Variants in GALNT17 observed in about 807,000 individuals in gnomAD.
The protein encoded by GALNT17 is polypeptide N-acetylgalactosaminyltransferase 17.
Under a neutral mutation model 63.7 loss-of-function variants are expected in GALNT17, and 29 were observed. The observed-to-expected ratio is 0.46, with a 90% confidence interval of 0.34 to 0.62. The LOEUF (loss-of-function observed/expected upper bound fraction) is 0.62, where lower values mean the gene tolerates loss of function less well. Among genes scored for constraint, GALNT17 ranks in the 20% least tolerant of loss-of-function variants. The pLI is 0.01. For synonymous variants in GALNT17, 305 were observed against 318.3 expected (o/e 0.96, Z 0.45); for missense variants, 603 against 799.6 (o/e 0.75, Z 2.97).
chr7:71,575,706 G>T (rs1324867873), intron 6 of GALNT17, among the ~76,000 whole-genome samples: 2 of 151,878 alleles, frequency 1.3e-5, no homozygotes, highest in African/African-American at 2.4e-5. Context: ...TTTAAACCAA[G>T]AAATGGCTCA....
At chr7:71,149,250 A>G (rs1031187742) in intron 1 of GALNT17, among the ~76,000 whole-genome samples, 1 of 152,146 alleles carries the variant, frequency 6.6e-6, no homozygotes, top group Non-Finnish European at 1.5e-5. Context: ...AACATCAACC[A>G]CATATCAAGT....
intron 6 of GALNT17, among the ~76,000 whole-genome samples, chr7:71,653,858 C>G (rs1790788772): frequency 6.6e-6 from 1 of 152,276 alleles, no homozygotes; most frequent in South Asian, 2.1e-4. Flanking sequence ...ATGACCTCCT[C>G]CAGACCCCTT....
At chr7:71,315,121 C>T (rs1000398384) in intron 1 of GALNT17, among the ~76,000 whole-genome samples, 1 of 152,174 alleles carries the variant, frequency 6.6e-6, no homozygotes, top group African/African-American at 2.4e-5. Context: ...TGGAAGCATA[C>T]ATCTATTTGT....
intron 9 of GALNT17, among the ~76,000 whole-genome samples, chr7:71,688,854 T>C (rs745629757): frequency 5.9e-5 from 9 of 152,098 alleles, no homozygotes; most frequent in Non-Finnish European, 8.8e-5. Flanking sequence ...TTTCACTTTA[T>C]GGTACTTTGT....
At chr7:71,489,799 A>G (rs984115681) in intron 5 of GALNT17, among the ~76,000 whole-genome samples, 13 of 152,198 alleles carry the variant, frequency 8.5e-5, no homozygotes, top group African/African-American at 3.1e-4. Context: ...CCACCTGACA[A>G]CGTTCATTTA....
rs941639621 is a variant in GALNT17 at position 71,608,736 on chromosome 7, C to T, written c.1080+37334C>T. On this transcript the variant is annotated intron_variant, in intron 6 of 10. Transcript: ENST00000333538. ...AGTAGTGAGGGCTTGAAGAAGAGAC[C>T]GAAAAACCAGCAACTGGAGATGAAC... is the stretch of plus-strand genomic sequence containing the variant. Among the ~76,000 whole-genome samples the T allele has an allele frequency of 5.3e-5, 8 of 151,908 alleles. No homozygotes were observed. In the Middle Eastern group the frequency reaches 0.01, roughly 194 times the overall value.
At chr7:71,478,346 C>T (rs924610526) in intron 5 of GALNT17, among the ~76,000 whole-genome samples, 1 of 152,100 alleles carries the variant, frequency 6.6e-6, no homozygotes, top group African/African-American at 2.4e-5. Context: ...GTGTCTCACT[C>T]TGTTACCCGA....
rs181997084 is a variant in GALNT17, at chr7:71,221,140, C to T, written c.238+88100C>T. ...CCCTTGCCCTTTTCTGTGCCTGGGA[C>T]CCCAGCCCTGGAGCCCCTAGTGGGA... is the stretch of plus-strand genomic sequence containing the variant. On this transcript the variant is annotated intron_variant, in intron 1 of 10. Coordinates refer to ENST00000333538, the MANE Select transcript of GALNT17 (RefSeq NM_022479.3). 2.6e-5 allele frequency among the ~76,000 whole-genome samples: 4 copies of T among 152,186 alleles called. No individual in the cohort carries two copies. In the East Asian group the frequency reaches 7.8e-4, roughly 30 times the overall value.
intron 5 of GALNT17, among the ~76,000 whole-genome samples, chr7:71,476,617 GT>G (rs1563121259): frequency 6.6e-6 from 1 of 152,172 alleles, no homozygotes; most frequent in Non-Finnish European, 1.5e-5. Flanking sequence ...TTTCAAGGGG[GT>G]AGGTGGATTT....
At chr7:71,268,377 A>G (rs1790528138) in intron 1 of GALNT17, among the ~76,000 whole-genome samples, 1 of 104,490 alleles carries the variant, frequency 9.6e-6, no homozygotes, top group Non-Finnish European at 2.1e-5. Context: ...CCCCGTGTCT[A>G]CAAAAAATAC....
At chr7:71,637,298 G>T (rs1672800437) in intron 6 of GALNT17, among the ~76,000 whole-genome samples, 1 of 152,056 alleles carries the variant, frequency 6.6e-6, no homozygotes. Flanking sequence ...TGATTCCCCT[G>T]CCTCAGCCTC....
intron 1 of GALNT17, among the ~76,000 whole-genome samples, chr7:71,148,530 C>T (rs569604576): frequency 1.5e-4 from 23 of 152,246 alleles, no homozygotes; most frequent in African/African-American, 5.1e-4. Context: ...ACGGGAACAG[C>T]ATTTGCATTG....
At chr7:71,436,458 G>A (rs897550238) in intron 5 of GALNT17, among the ~76,000 whole-genome samples, 4 of 152,148 alleles carry the variant, frequency 2.6e-5, no homozygotes, top group Non-Finnish European at 5.9e-5. Flanking sequence ...GGTGACTCAC[G>A]CCTGTAATCC....
chr7:71,174,134 T>C (rs1585857571), intron 1 of GALNT17, among the ~76,000 whole-genome samples: 1 of 151,838 alleles, frequency 6.6e-6, no homozygotes, highest in Non-Finnish European at 1.5e-5. Flanking sequence ...CAGGAGAGGG[T>C]TTGGGATACG....
At chr7:71,423,219 G>A (rs981637907) in intron 5 of GALNT17, among the ~76,000 whole-genome samples, 2 of 152,216 alleles carry the variant, frequency 1.3e-5, no homozygotes, top group Admixed American at 1.3e-4. Flanking sequence ...ACAGGCCCGA[G>A]GGTGGAGCCC....
chr7:71,539,591 C>T (rs193064405), intron 5 of GALNT17, among the ~76,000 whole-genome samples: 1 of 152,138 alleles, frequency 6.6e-6, no homozygotes, highest in Non-Finnish European at 1.5e-5. Context: ...TTTTATAGCA[C>T]CTCCGATGTG....
intron 1 of GALNT17, among the ~76,000 whole-genome samples, chr7:71,171,103 G>A (rs1166381396): frequency 6.6e-6 from 1 of 152,176 alleles, no homozygotes; most frequent in Non-Finnish European, 1.5e-5. Flanking sequence ...AATTCTTTTA[G>A]AAAGATAATT....
chr7:71,670,539 A>G (rs1339116031), intron 8 of GALNT17, among the ~76,000 whole-genome samples: 1 of 152,166 alleles, frequency 6.6e-6, no homozygotes, highest in Non-Finnish European at 1.5e-5. Context: ...GTGTGATCAT[A>G]TCACCTTTCT....
intron 5 of GALNT17, among the ~76,000 whole-genome samples, chr7:71,511,088 A>T (rs1788347851): frequency 6.6e-6 from 1 of 152,128 alleles, no homozygotes; most frequent in Non-Finnish European, 1.5e-5. Context: ...AGGCTGAGGC[A>T]GGAGGATCAC....
Sources: gnomAD v4.1 joint callset for allele counts (sites outside exome capture counted in the v4.1 genomes callset) on GRCh38, gnomAD v4.1.1 for gene constraint, MANE v1.5 for transcripts, NCBI Gene and HGNC (gene_info 2026-07-23, HGNC 2026-07-21) for gene names.